The following COPG2 variants were observed in gnomAD, a reference collection of about 807,000 sequenced individuals.
COPG2 encodes coatomer subunit gamma-2.
A neutral mutation model predicts 46.3 loss-of-function variants in COPG2; 37 were observed. That is an observed-to-expected ratio of 0.80 (90% CI 0.61 to 1.05). The LOEUF is 1.05. Ranked by LOEUF, COPG2 falls within the 50% of genes least tolerant of loss-of-function variation. COPG2 has a pLI of 0.00. For synonymous variants in COPG2, 159 were observed against 129.7 expected, an observed-to-expected ratio of 1.23 and a Z score of -1.53; for missense variants, 427 against 387.8, an observed-to-expected ratio of 1.10 and a Z score of -0.85.
intron 7 of COPG2, 104 bp downstream of exon 7, chr7:130,613,440 A>C: frequency 1.3e-6 from 1 of 769,874 alleles, no homozygotes. Flanking sequence ...AGGTGTATAC[A>C]TATTTTTAAC....
At chr7:130,519,223 C>G (rs980274019) in intron 20 of COPG2, among the ~76,000 whole-genome samples, 1 of 152,050 alleles carries the variant, frequency 6.6e-6, no homozygotes, top group Admixed American at 6.5e-5. Context: ...AGCTAGATAC[C>G]AACCATGGGA....
chr7:130,510,655 TACAG>T (rs1223947491), intron 20 of COPG2, among the ~76,000 whole-genome samples: 10 of 152,144 alleles, frequency 6.6e-5, no homozygotes, highest in African/African-American at 2.4e-4. Context: ...AAGGACCTGA[TACAG>T]AGAAAGAGAT....
intron 5 of COPG2, among the ~76,000 whole-genome samples, chr7:130,630,677 T>C (rs1162831675): frequency 6.6e-6 from 1 of 152,238 alleles, no homozygotes; most frequent in Non-Finnish European, 1.5e-5. Flanking sequence ...ATAAACAATA[T>C]TACTTTGTCC....
intron 8 of COPG2, 30 bp from the exon 9 acceptor site, chr7:130,611,140 T>C (rs1208663626): frequency 1.4e-5 from 22 of 1,589,248 alleles, no homozygotes; most frequent in Non-Finnish European, 1.7e-5. Flanking sequence ...AGGTAGCACA[T>C]GGATTAGAAA....
intron 5 of COPG2, among the ~76,000 whole-genome samples, chr7:130,633,614 T>C (rs1325714556): frequency 6.6e-6 from 1 of 152,246 alleles, no homozygotes; most frequent in Non-Finnish European, 1.5e-5. Flanking sequence ...AGATTCTAGA[T>C]ATCAGCCCTT....
rs144469561 is a variant in COPG2, at chr7:130,637,232, T to G, written c.323+15637A>C. 1.2e-3 allele frequency among the ~76,000 whole-genome samples: 183 copies of G among 152,342 alleles called. 1 individual carries two copies. Among genetic ancestry groups the G allele is most frequent in the Middle Eastern group, 3.4e-3 (1 of 294 alleles). Reference sequence around the variant, plus strand: ...TTGCTCTTCTCGAGGAGTATCTTTGTGATATTCTCTGTATTTCCTGAATTT... The same window carrying G: ...TTGCTCTTCTCGAGGAGTATCTTTGGGATATTCTCTGTATTTCCTGAATTT... On this transcript the variant is annotated intron_variant, in intron 5 of 23. Transcript: ENST00000425248.
In COPG2 at chr7:130,554,685, T is replaced by C. The variant is rs1312458725; in HGVS notation, c.1264A>G (p.Ile422Val). The C allele has an allele frequency of 1.3e-5, 5 of 398,446 alleles. No homozygotes were observed. Among genetic ancestry groups the C allele is most frequent in the African/African-American group, 1.0e-4 (5 of 48,624 alleles). The allele number at this position is 398,446 out of a possible 1,614,324, so 24.7% of individuals were successfully genotyped here. ...TCAGGGTTCTCTTCCACAATGCTGA[T>C]TATACAGTCCACAATGGCCCGCTTG... is the stretch of plus-strand genomic sequence containing the variant. ...EYKRAIVDCI[I>V]SIVEENPESK... The change falls in exon 14 of 24, where the codon ATC becomes GTC. Residue 422 changes from isoleucine to valine, a missense_variant. Transcript: ENST00000425248.
intron 4 of COPG2, among the ~76,000 whole-genome samples, chr7:130,656,640 G>A (rs928718251): frequency 6.6e-6 from 1 of 151,838 alleles, no homozygotes; most frequent in African/African-American, 2.4e-5. Context: ...ACAAGAAAAA[G>A]GTCAATATAT....
intron 9 of COPG2, among the ~76,000 whole-genome samples, chr7:130,587,401 T>A (rs186245893): frequency 6.6e-6 from 1 of 152,206 alleles, no homozygotes; most frequent in Admixed American, 6.5e-5. Flanking sequence ...CAATATCCAG[T>A]TGGATATTGT....
chr7:130,652,841 T>G (rs781791308), intron 5 of COPG2, 28 bp downstream of exon 5: 1 of 1,411,276 alleles, frequency 7.1e-7, no homozygotes, highest in South Asian at 1.2e-5. Context: ...TATAAGTATC[T>G]CATCCTAGAT....
At chr7:130,602,956 C>G (rs1370318770) in intron 9 of COPG2, 1 of 152,118 alleles carries the variant, frequency 6.6e-6, no homozygotes, top group Non-Finnish European at 1.5e-5. Context: ...TTGTCATCCT[C>G]TGGAATTTTA....
intron 9 of COPG2, chr7:130,602,972 T>C (rs369631078): frequency 6.6e-6 from 1 of 152,154 alleles, no homozygotes; most frequent in African/African-American, 2.4e-5. Flanking sequence ...TTTTAGAGCT[T>C]CTAATTAAAA....
At chr7:130,576,099 TA>T (rs1208164362) in intron 9 of COPG2, among the ~76,000 whole-genome samples, 2 of 152,076 alleles carry the variant, frequency 1.3e-5, no homozygotes, top group African/African-American at 2.4e-5. Flanking sequence ...AGAAATGAGA[TA>T]GATGGCAACA....
At chr7:130,613,346 T>C (rs1271488815) in intron 7 of COPG2, among the ~76,000 whole-genome samples, 198 bp downstream of exon 7, 2 of 152,248 alleles carry the variant, frequency 1.3e-5, no homozygotes, top group Non-Finnish European at 2.9e-5. Flanking sequence ...GCCCAGTTCC[T>C]GACAGGTCAC....
At chr7:130,624,059 G>C (rs1438138442) in intron 5 of COPG2, among the ~76,000 whole-genome samples, 1 of 152,046 alleles carries the variant, frequency 6.6e-6, no homozygotes, top group Non-Finnish European at 1.5e-5. Flanking sequence ...CTGTTTCCTG[G>C]TTCAGATGGC....
At chr7:130,645,459 C>T (rs1383056742) in intron 5 of COPG2, 3 of 342,352 alleles carry the variant, frequency 8.8e-6, no homozygotes, top group Non-Finnish European at 1.7e-5. Flanking sequence ...TTTCTCCAAC[C>T]GGACCACTGC....
chr7:130,546,872 C>A (rs1263401122), intron 20 of COPG2: 1 of 152,126 alleles, frequency 6.6e-6, no homozygotes, highest in Non-Finnish European at 1.5e-5. Context: ...CCTGTACTTA[C>A]GAGCAGTAAA....
At chr7:130,562,846 G>A (rs1793739778) in intron 11 of COPG2, among the ~76,000 whole-genome samples, 2 of 152,184 alleles carry the variant, frequency 1.3e-5, no homozygotes, top group Admixed American at 1.3e-4. Flanking sequence ...GGACAGGGCT[G>A]CTGTAGACCA....
chr7:130,522,550 C>T lies in COPG2; in HGVS notation c.2150-13891G>A, dbSNP rs901355144. On this transcript the variant is annotated intron_variant, in intron 20 of 23. Coordinates refer to ENST00000425248, the MANE Select transcript of COPG2 (RefSeq NM_012133.6). ...GAAGGGTCAAAGTTTCAATGTAGAT[C>T]TTTAAGAGAAATCCTTTTCAAGAGT... 1.1e-4 allele frequency among the ~76,000 whole-genome samples: 16 copies of T among 152,024 alleles called. No individual in the cohort carries two copies. The East Asian group carries it at 3.1e-3, about 30-fold the overall frequency.
Sources: gnomAD v4.1 joint callset for allele counts (sites outside exome capture counted in the v4.1 genomes callset) on GRCh38, gnomAD v4.1.1 for gene constraint, MANE v1.5 for transcripts, NCBI Gene and HGNC (gene_info 2026-07-23, HGNC 2026-07-21) for gene names.